RPL36: variants seen among roughly 807,000 people sequenced by gnomAD.
RPL36 encodes ribosomal protein L36, also known as large ribosomal subunit protein eL36.
For missense variants in RPL36, 131 were observed against 144.9 expected, an observed-to-expected ratio of 0.90 and a Z score of 0.49; for synonymous variants, 74 against 56.0, an observed-to-expected ratio of 1.32 and a Z score of -1.44.
chr19:5,690,992 C>G (rs1427102445), intron 2 of RPL36: 3 of 516,842 alleles, frequency 5.8e-6, no homozygotes, highest in Admixed American at 3.3e-5. Flanking sequence ...GGTTCTGACG[C>G]AGGAGTAAGG....
At chr19:5,690,860 G>A (rs1404773194) in intron 2 of RPL36, 2 of 576,804 alleles carry the variant, frequency 3.5e-6, no homozygotes, top group East Asian at 5.9e-5. Context: ...GCGGGTTTGG[G>A]GTTCTGACGC....
chr19:5,691,104 C>G, intron 2 of RPL36: 1 of 653,646 alleles, frequency 1.5e-6, no homozygotes. Flanking sequence ...AGCCCAGACT[C>G]CAGGTGCGTC....
chr19:5,690,966 C>G (rs1360889331), intron 2 of RPL36: 4 of 521,644 alleles, frequency 7.7e-6, no homozygotes, highest in Non-Finnish European at 1.4e-5. Context: ...CTTTATTAAG[C>G]GGGCAGCGGG....
At chr19:5,690,631 G>T in intron 2 of RPL36, 31 bp downstream of exon 2, 1 of 1,523,292 alleles carries the variant, frequency 6.6e-7, no homozygotes, top group East Asian at 2.4e-5. Context: ...GAGGTTGTCG[G>T]GGGTTTCTTG....
rs765078473 is a variant in RPL36 at position 5,691,549 on chromosome 19, C to T, written c.246C>T (p.Arg82=). ...CCTGGCAGGTGGGGACGCACATCCGCGCCAAGAGGAAGCGGGAGGAGCTGA... is the reference window on the plus strand; with the variant it reads ...CCTGGCAGGTGGGGACGCACATCCGTGCCAAGAGGAAGCGGGAGGAGCTGA... ...FIKKRVGTHI[R]AKRKREELSN... is the part of the protein sequence containing the mutation. The change falls in exon 4 of 4, where the codon CGC becomes CGT. Residue 82 remains arginine (R), a synonymous_variant. Coordinates refer to ENST00000347512, the MANE Select transcript of RPL36 (RefSeq NM_033643.3). 4 of 1,611,892 alleles carry T rather than the reference C, an allele frequency of 2.5e-6. No individual in the cohort carries two copies. The highest frequency in any genetic ancestry group is 3.3e-5 in the Admixed American group (2 of 60,006).
intron 2 of RPL36, 95 bp from the exon 3 acceptor site, chr19:5,691,224 G>C (rs547602933): frequency 5.1e-6 from 8 of 1,574,788 alleles, no homozygotes; most frequent in Non-Finnish European, 7.0e-6. Flanking sequence ...ACAGAGGGGA[G>C]GAAGTAGCCA....
chr19:5,691,735 G>T lies in RPL36; in HGVS notation c.*114G>T, dbSNP rs548700986. On this transcript the variant is annotated 3_prime_UTR_variant, in exon 4 of 4. Transcript: ENST00000347512. ...GGGGGCCCGCAGTCCCCTGTCTGGT[G>T]CCCGCTCTGAGCCACACCCTCTCCG... 236 of 1,164,302 alleles carry T rather than the reference G, an allele frequency of 2.0e-4. No homozygotes were observed. The highest frequency in any genetic ancestry group is 2.7e-4 in the Non-Finnish European group (215 of 801,878). 72.1% of individuals were successfully genotyped at this position (1,164,302 alleles called of 1,614,324 possible). A position where few individuals can be genotyped will look rare whatever the true frequency, so the allele number is the denominator to read the frequency against.
At chr19:5,690,725 G>A in intron 2 of RPL36, 125 bp downstream of exon 2, 1 of 773,344 alleles carries the variant, frequency 1.3e-6, no homozygotes, top group Non-Finnish European at 2.2e-6. Context: ...GGCTTGAATG[G>A]AAGAGATGGG....
chr19:5,691,278 A>G lies in RPL36; in HGVS notation c.94-41A>G, dbSNP rs748826847. The G allele has an allele frequency of 1.7e-5, 27 of 1,611,668 alleles. 1 individual carries two copies. Among genetic ancestry groups the G allele is most frequent in the Middle Eastern group, 2.2e-4 (1 of 4,446 alleles). On this transcript the variant is annotated intron_variant, in intron 2 of 3. Transcript: ENST00000347512. The stretch of plus-strand genomic sequence containing the variant: ...GAGAGAAGCTGCTTAACTAGAATGC[A>G]GGGATCCCCCTACCCTGACGGCCGC...
intron 1 of RPL36, 48 bp from the exon 2 acceptor site, chr19:5,690,458 A>C: frequency 7.1e-7 from 1 of 1,402,964 alleles, no homozygotes; most frequent in Non-Finnish European, 9.9e-7. Context: ...GGCCTCGGGA[A>C]CTGAGCCGGT....
At position 5,691,437 on chromosome 19, in the gene RPL36, A is replaced by G. The variant is rs2054817448; in HGVS notation, c.212A>G (p.Lys71Arg). 1 of 1,613,878 alleles carries G rather than the reference A, an allele frequency of 6.2e-7. No individual in the cohort carries two copies. The highest frequency in any genetic ancestry group is 8.5e-7 in the Non-Finnish European group (1 of 1,179,984). The change falls in exon 3 of 4, where the codon AAA becomes AGA. Residue 71 changes from lysine to arginine, a missense_variant. Transcript: ENST00000347512. ...LKVSKDKRAL[K>R]FIKKRVGTHI... Reference sequence around the variant, plus strand: ...GTCTCCAAGGACAAACGGGCCCTCAAATTTATCAAGAAAAGGGTAGGTGGG... The same window carrying G: ...GTCTCCAAGGACAAACGGGCCCTCAGATTTATCAAGAAAAGGGTAGGTGGG...
At chr19:5,690,659 C>A in intron 2 of RPL36, 59 bp downstream of exon 2, 3 of 1,375,844 alleles carry the variant, frequency 2.2e-6, no homozygotes, top group East Asian at 2.5e-5. Flanking sequence ...GAGGGCATGG[C>A]TTGGGCAAAG....
Position 5,691,717 on chromosome 19 carries a change from C to T in RPL36, c.*96C>T, listed in dbSNP as rs1161065765. ...GGTGGGTGTGGGTGTGTCGGGGGCC[C>T]GCAGTCCCCTGTCTGGTGCCCGCTC... On this transcript the variant is annotated 3_prime_UTR_variant, in exon 4 of 4. Coordinates refer to ENST00000347512, the MANE Select transcript of RPL36 (RefSeq NM_033643.3). 15 of 1,281,764 alleles carry T rather than the reference C, an allele frequency of 1.2e-5. No individual in the cohort carries two copies. The highest frequency in any genetic ancestry group is 3.8e-5 in the South Asian group (3 of 78,468). 79.4% of individuals were successfully genotyped at this position (1,281,764 alleles called of 1,614,324 possible). A position where few individuals can be genotyped will look rare whatever the true frequency, so the allele number is the denominator to read the frequency against.
intron 2 of RPL36, chr19:5,690,933 A>G: frequency 1.9e-6 from 1 of 531,112 alleles, no homozygotes; most frequent in Non-Finnish European, 3.4e-6. Flanking sequence ...GAGGGATTTC[A>G]GGTGTGTCAG....
In RPL36 at chr19:5,691,764, G is replaced by A; in HGVS notation, c.*143G>A. 1 of 1,020,204 alleles carries A rather than the reference G, an allele frequency of 9.8e-7. No homozygotes were observed. The highest frequency in any genetic ancestry group is 1.4e-5 in the South Asian group (1 of 72,802). The allele number at this position is 1,020,204 out of a possible 1,614,324, so 63.2% of individuals were successfully genotyped here. A position where few individuals can be genotyped will look rare whatever the true frequency, so the allele number is the denominator to read the frequency against. ...GCTCTGAGCCACACCCTCTCCGGGTGCTGCCTGGTCGTGAATCAAAAGCCG... is the reference window on the plus strand; with the variant it reads ...GCTCTGAGCCACACCCTCTCCGGGTACTGCCTGGTCGTGAATCAAAAGCCG... On this transcript the variant is annotated 3_prime_UTR_variant, in exon 4 of 4. Transcript: ENST00000347512.
At chr19:5,690,714 G>T in intron 2 of RPL36, 114 bp downstream of exon 2, 1 of 824,532 alleles carries the variant, frequency 1.2e-6, no homozygotes, top group South Asian at 1.5e-5. Context: ...GAACTAAGGG[G>T]GGCTTGAATG....
rs1198040619 is a variant in RPL36 at position 5,691,359 on chromosome 19, G to A, written c.134G>A (p.Arg45Gln). 1.2e-6 allele frequency: 2 copies of A among 1,613,364 alleles called. No homozygotes were observed. The highest frequency in any genetic ancestry group is 1.3e-5 in the African/African-American group (1 of 74,898). Reference protein sequence around the residue: ...KHTKFVRDMIREVCGFAPYER... With the variant: ...KHTKFVRDMIQEVCGFAPYER... ...ACCAAGTTCGTGCGGGACATGATTC[G>A]GGAGGTGTGTGGCTTTGCCCCGTAC... Residue 45 changes from arginine to glutamine, a missense_variant, in exon 3 of 4, where the codon CGG (arginine) becomes CAG (glutamine). Physicochemically the swap from Arg to Gln is conservative, Grantham distance 43. Coordinates refer to ENST00000347512, the MANE Select transcript of RPL36 (RefSeq NM_033643.3).
In RPL36 at chr19:5,691,588, C is replaced by T. The variant is rs1414299228; in HGVS notation, c.285C>T (p.Ala95=). The change falls in exon 4 of 4, where the codon GCC becomes GCT. Residue 95 remains alanine, a synonymous_variant. Coordinates refer to ENST00000347512, the MANE Select transcript of RPL36 (RefSeq NM_033643.3). ...GGGAGGAGCTGAGCAACGTACTGGCCGCCATGAGGAAAGCTGCTGCCAAGA... is the reference window on the plus strand; with the variant it reads ...GGGAGGAGCTGAGCAACGTACTGGCTGCCATGAGGAAAGCTGCTGCCAAGA... The part of the protein sequence containing the change: ...RKREELSNVL[A]AMRKAAAKKD 8 of 1,611,222 alleles carry T rather than the reference C, an allele frequency of 5.0e-6. No individual in the cohort carries two copies. The highest frequency in any genetic ancestry group is 4.0e-5 in the African/African-American group (3 of 74,968).
chr19:5,691,022 C>T (rs563323985), intron 2 of RPL36: 139 of 553,018 alleles, frequency 2.5e-4, no homozygotes, highest in African/African-American at 2.5e-3. Flanking sequence ...ATGGAGCTGG[C>T]CCGAGGTTGC....
Sources: gnomAD v4.1 joint callset for allele counts on GRCh38, gnomAD v4.1.1 for gene constraint, MANE v1.5 for transcripts, NCBI Gene and HGNC (gene_info 2026-07-23, HGNC 2026-07-21) for gene names.